Variants in PTCHD4 observed in about 807,000 individuals in gnomAD.
PTCHD4 encodes patched domain-containing protein 4.
A neutral mutation model predicts 58.1 loss-of-function variants in PTCHD4; 33 were observed. The ratio of observed to expected loss-of-function variants is 0.57; its 90% CI spans 0.43 to 0.76. The LOEUF (loss-of-function observed/expected upper bound fraction) is 0.76. Among genes scored for constraint, PTCHD4 ranks in the 30% least tolerant of loss-of-function variants. The pLI is 0.00. For missense variants in PTCHD4, 1,058 were observed against 1,027.1 expected, an observed-to-expected ratio of 1.03 and a Z score of -0.41; for synonymous variants, 478 against 409.6, an observed-to-expected ratio of 1.17 and a Z score of -2.02.
intron 4 of PTCHD4, among the ~76,000 whole-genome samples, chr6:47,933,626 C>T (rs2113910128): frequency 6.6e-6 from 1 of 152,266 alleles, no homozygotes; most frequent in African/African-American, 2.4e-5. Flanking sequence ...GTAGGTAGGG[C>T]AGTAAGACAC....
chr6:47,927,022 T>A (rs549998242), intron 4 of PTCHD4, among the ~76,000 whole-genome samples: 1 of 152,314 alleles, frequency 6.6e-6, no homozygotes, highest in South Asian at 2.1e-4. Context: ...TACCTAGGAC[T>A]GGAGAGCCCT....
At position 48,091,543 on chromosome 6, in the gene PTCHD4, T is replaced by G. The variant is rs189218187; in HGVS notation, c.-970+19506A>C. ...ATCAGCATCACCTGAGTACAGAACT[T>G]TGGACCACACCCAAGGTCTATTGAA... is the stretch of plus-strand genomic sequence containing the variant. On this transcript the variant is annotated intron_variant, in intron 1 of 4. Transcript: ENST00000339488. Among the ~76,000 whole-genome samples the G allele has an allele frequency of 6.2e-4, 94 of 152,308 alleles. 1 individual carries two copies. The East Asian group carries it at 0.017, about 28-fold the overall frequency.
rs551322748 is a variant in PTCHD4 at position 47,877,184 on chromosome 6, C to T, written c.*1119G>A. On this transcript the variant is annotated 3_prime_UTR_variant, in exon 5 of 5. Transcript: ENST00000339488. ...GTCCATTTTATTCTATTTCACTCTA[C>T]GAGTTTCCTAGTTATGTCTCCTTTC... is the stretch of plus-strand genomic sequence containing the variant. Among the ~76,000 whole-genome samples, 29 of 152,122 alleles carry T rather than the reference C, an allele frequency of 1.9e-4. No homozygotes were observed. The highest frequency in any genetic ancestry group is 1.9e-4 in the East Asian group (1 of 5,154).
chr6:48,019,929 A>G (rs1267981934), intron 3 of PTCHD4, among the ~76,000 whole-genome samples: 1 of 152,074 alleles, frequency 6.6e-6, no homozygotes, highest in Admixed American at 6.5e-5. Flanking sequence ...GTGGACATGG[A>G]AAGAAATGGT....
In PTCHD4 at chr6:47,897,939, T is replaced by C. The variant is rs572273680; in HGVS notation, c.899-18003A>G. The stretch of plus-strand genomic sequence containing the variant: ...TTTCATCCTTTCTTTTTTCTTTCTT[T>C]CTTTTTTTTTTTTTTTTTTTTTTTT... On this transcript the variant is annotated intron_variant, in intron 4 of 4. Coordinates refer to ENST00000339488, the MANE Select transcript of PTCHD4 (RefSeq NM_001384253.1). 5.8e-3 allele frequency among the ~76,000 whole-genome samples: 784 copies of C among 135,040 alleles called. 4 individuals are homozygous for C. The highest frequency in any genetic ancestry group is 0.015 in the Middle Eastern group (4 of 262). The allele number at this position is 135,040 out of a possible 152,430, so 88.6% of individuals were successfully genotyped here.
intron 1 of PTCHD4, among the ~76,000 whole-genome samples, chr6:48,095,076 G>A (rs918931927): frequency 1.3e-4 from 20 of 152,206 alleles, no homozygotes; most frequent in African/African-American, 4.8e-4. Context: ...CGGGGATTGT[G>A]GACATGTTCA....
At position 47,867,460 on chromosome 6, in the gene PTCHD4, A is replaced by C. The variant is rs1449868871; in HGVS notation, c.*10843T>G. On this transcript the variant is annotated 3_prime_UTR_variant, in exon 5 of 5. Transcript: ENST00000339488. ...AAACCATTCACTGCATTTAAGCCCA[A>C]GGATACATCATAAAAAGAGCTTTTT... Among the ~76,000 whole-genome samples the C allele has an allele frequency of 4.6e-5, 7 of 151,820 alleles. No homozygotes were observed.
chr6:48,077,326 C>T (rs1765079805), intron 1 of PTCHD4, among the ~76,000 whole-genome samples: 1 of 152,214 alleles, frequency 6.6e-6, no homozygotes, highest in Admixed American at 6.5e-5. Flanking sequence ...TTGACTTCTC[C>T]TCTCTAGCTT....
At chr6:48,075,832 G>A (rs1463541544) in intron 1 of PTCHD4, among the ~76,000 whole-genome samples, 6 of 152,232 alleles carry the variant, frequency 3.9e-5, no homozygotes, top group Non-Finnish European at 1.5e-5. Context: ...GGAAGGTCGT[G>A]CCTTGATGTT....
At chr6:47,931,214 C>G (rs531119303) in intron 4 of PTCHD4, among the ~76,000 whole-genome samples, 1 of 152,236 alleles carries the variant, frequency 6.6e-6, no homozygotes, top group Non-Finnish European at 1.5e-5. Flanking sequence ...CCATTCACCA[C>G]GAACAGGAGG....
chr6:47,904,361 G>A (rs931669639), intron 4 of PTCHD4, among the ~76,000 whole-genome samples: 3 of 152,178 alleles, frequency 2.0e-5, no homozygotes, highest in African/African-American at 7.2e-5. Flanking sequence ...ACCAGTCTGC[G>A]GCCTGTTTTG....
chr6:48,093,809 T>A (rs894450563), intron 1 of PTCHD4, among the ~76,000 whole-genome samples: 9 of 152,144 alleles, frequency 5.9e-5, no homozygotes, highest in African/African-American at 2.2e-4. Flanking sequence ...ATAGGGATGA[T>A]GGGAAGGTCA....
chr6:48,107,937 A>G (rs1380197910), intron 1 of PTCHD4, among the ~76,000 whole-genome samples: 1 of 152,234 alleles, frequency 6.6e-6, no homozygotes, highest in Non-Finnish European at 1.5e-5. Context: ...AGATCATTAA[A>G]AAGTCAGGAA....
At chr6:48,103,203 C>A (rs9473243) in intron 1 of PTCHD4, among the ~76,000 whole-genome samples, 23,528 of 152,174 alleles carry the variant, frequency 0.15, 1,868 homozygotes, top group African/African-American at 0.2. Context: ...AGACACCCCC[C>A]AGTAGGGGCA....
chr6:47,949,110 T>C (rs1280275259), intron 4 of PTCHD4, among the ~76,000 whole-genome samples: 1 of 152,214 alleles, frequency 6.6e-6, no homozygotes, highest in Non-Finnish European at 1.5e-5. Flanking sequence ...GATATGAAGA[T>C]AATGCAGGGG....
At chr6:48,084,890 C>A (rs1765233304) in intron 1 of PTCHD4, among the ~76,000 whole-genome samples, 6 of 151,654 alleles carry the variant, frequency 4.0e-5, no homozygotes. Flanking sequence ...ACTACAGGTG[C>A]ACGCCACCAC....
intron 4 of PTCHD4, among the ~76,000 whole-genome samples, chr6:47,953,565 C>G (rs1766736589): frequency 6.6e-6 from 1 of 152,034 alleles, no homozygotes. Context: ...TTAAAATCAA[C>G]ATAGTCACTG....
intron 4 of PTCHD4, among the ~76,000 whole-genome samples, chr6:47,959,167 A>T (rs1440235243): frequency 1.3e-5 from 2 of 152,230 alleles, no homozygotes; most frequent in Admixed American, 1.3e-4. Context: ...GAATTAGCAG[A>T]TAAGGACATT....
intron 1 of PTCHD4, among the ~76,000 whole-genome samples, chr6:48,085,772 A>G (rs558753085): frequency 6.6e-6 from 1 of 152,318 alleles, no homozygotes; most frequent in East Asian, 1.9e-4. Context: ...AAATTCTGTC[A>G]TGATAAGATA....
Sources: gnomAD v4.1 joint callset for allele counts (sites outside exome capture counted in the v4.1 genomes callset) on GRCh38, gnomAD v4.1.1 for gene constraint, MANE v1.5 for transcripts, NCBI Gene and HGNC (gene_info 2026-07-23, HGNC 2026-07-21) for gene names.